PRKCE: variants seen among roughly 807,000 people sequenced by gnomAD.
The protein encoded by PRKCE is protein kinase C epsilon type.
PRKCE carries 16 observed loss-of-function variants against 85.4 expected under a neutral mutation model. The observed-to-expected ratio is 0.19, with a 90% CI of 0.13 to 0.28. The LOEUF (loss-of-function observed/expected upper bound fraction) is 0.28, where lower values mean the gene tolerates loss of function less well. Ranked by LOEUF, PRKCE falls within the 10% of genes least tolerant of loss-of-function variation. The pLI, the probability that PRKCE is intolerant of heterozygous loss-of-function variation, is 1.00. For synonymous variants in PRKCE, 388 were observed against 371.5 expected, an observed-to-expected ratio of 1.04 and a Z score of -0.51; for missense variants, 573 against 975.2, an observed-to-expected ratio of 0.59 and a Z score of 5.49.
rs1456585679 is a variant in PRKCE at position 45,751,503 on chromosome 2, A to T, written c.349-91497A>T. 4.0e-5 allele frequency among the ~76,000 whole-genome samples: 4 copies of T among 100,506 alleles called. No individual in the cohort carries two copies. The East Asian group carries it at 7.3e-4, about 18-fold the overall frequency. 65.9% of individuals were successfully genotyped at this position (100,506 alleles called of 152,430 possible). On this transcript the variant is annotated intron_variant, in intron 1 of 14. Coordinates refer to ENST00000306156, the MANE Select transcript of PRKCE (RefSeq NM_005400.3). ...CCTGCATAAAGTTTCCATATTGTTTATTTGGTTTCTCAACAGTTCCTATGT... is the reference window on the plus strand; with the variant it reads ...CCTGCATAAAGTTTCCATATTGTTTTTTTGGTTTCTCAACAGTTCCTATGT...
chr2:45,663,799 A>G (rs370268498), intron 1 of PRKCE, among the ~76,000 whole-genome samples: 2 of 152,146 alleles, frequency 1.3e-5, no homozygotes, highest in African/African-American at 4.8e-5. Flanking sequence ...AAAAAAGAAA[A>G]TGTTGGACAG....
At chr2:45,919,948 G>A (rs1480826863) in intron 2 of PRKCE, among the ~76,000 whole-genome samples, 1 of 152,218 alleles carries the variant, frequency 6.6e-6, no homozygotes, top group Admixed American at 6.5e-5. Flanking sequence ...CAGACACTGG[G>A]ACAGTGGGAG....
At chr2:45,806,513 A>G (rs547106301) in intron 1 of PRKCE, among the ~76,000 whole-genome samples, 66 of 152,350 alleles carry the variant, frequency 4.3e-4, no homozygotes, top group Non-Finnish European at 7.5e-4. Context: ...TTGTGCAGCC[A>G]TCACCACCAT....
intron 10 of PRKCE, among the ~76,000 whole-genome samples, chr2:46,026,501 T>C (rs1707120693): frequency 6.6e-6 from 1 of 152,214 alleles, no homozygotes; most frequent in Non-Finnish European, 1.5e-5. Flanking sequence ...CTCTGATCTT[T>C]AATTCTACCA....
At chr2:46,166,094 C>T (rs1026841222) in intron 14 of PRKCE, among the ~76,000 whole-genome samples, 1 of 152,332 alleles carries the variant, frequency 6.6e-6, no homozygotes, top group East Asian at 1.9e-4. Context: ...GCGGGACCCC[C>T]GAGGGAGGCC....
chr2:45,718,387 C>T (rs1269516676), intron 1 of PRKCE, among the ~76,000 whole-genome samples: 4 of 138,112 alleles, frequency 2.9e-5, no homozygotes, highest in Non-Finnish European at 6.0e-5. Flanking sequence ...GCTCTGTCAC[C>T]AGGCTGGAGT....
chr2:45,803,229 A>G (rs1448872490), intron 1 of PRKCE, among the ~76,000 whole-genome samples: 2 of 152,252 alleles, frequency 1.3e-5, no homozygotes, highest in Non-Finnish European at 2.9e-5. Flanking sequence ...GATTTGGTCT[A>G]TACCTAGGTG....
intron 1 of PRKCE, among the ~76,000 whole-genome samples, chr2:45,769,642 G>C (rs1422636790): frequency 1.3e-5 from 2 of 152,196 alleles, no homozygotes; most frequent in Non-Finnish European, 2.9e-5. Context: ...TCTATTTCAT[G>C]AGTTTGTAAG....
intron 6 of PRKCE, among the ~76,000 whole-genome samples, chr2:45,994,323 T>C (rs1047383186): frequency 6.6e-6 from 1 of 152,094 alleles, no homozygotes; most frequent in African/African-American, 2.4e-5. Context: ...ACATTAGGGC[T>C]CACTCTTGGT....
intron 2 of PRKCE, among the ~76,000 whole-genome samples, chr2:45,952,393 A>C (rs1700686474): frequency 6.6e-6 from 1 of 152,216 alleles, no homozygotes; most frequent in Non-Finnish European, 1.5e-5. Context: ...TCATGGGCTT[A>C]ACACACAGAA....
At chr2:45,936,348 G>A (rs1052948203) in intron 2 of PRKCE, among the ~76,000 whole-genome samples, 6 of 152,178 alleles carry the variant, frequency 3.9e-5, no homozygotes, top group African/African-American at 1.2e-4. Flanking sequence ...AGCCATGCTG[G>A]GAACATGCTT....
At chr2:46,005,273 T>C (rs1705082121) in intron 8 of PRKCE, among the ~76,000 whole-genome samples, 1 of 152,182 alleles carries the variant, frequency 6.6e-6, no homozygotes, top group African/African-American at 2.4e-5. Flanking sequence ...ATTTGCACAA[T>C]AATAATTCTG....
At chr2:46,005,804 A>G (rs900398102) in intron 8 of PRKCE, among the ~76,000 whole-genome samples, 1 of 152,186 alleles carries the variant, frequency 6.6e-6, no homozygotes, top group African/African-American at 2.4e-5. Flanking sequence ...ACTCTACCTC[A>G]TTCCAAATGA....
chr2:45,910,703 A>G (rs59155256), intron 2 of PRKCE, among the ~76,000 whole-genome samples: 1,524 of 152,230 alleles, frequency 0.01, 36 homozygotes, highest in African/African-American at 0.035. Flanking sequence ...TTCCTTAACT[A>G]TTTCCTACCT....
intron 14 of PRKCE, among the ~76,000 whole-genome samples, chr2:46,160,857 G>A (rs1558516221): frequency 6.6e-6 from 1 of 152,216 alleles, no homozygotes; most frequent in Non-Finnish European, 1.5e-5. Context: ...CACGGTGGGA[G>A]TGGGAGTGGG....
intron 10 of PRKCE, among the ~76,000 whole-genome samples, chr2:46,051,310 C>G (rs1417363943): frequency 2.0e-5 from 3 of 152,316 alleles, no homozygotes; most frequent in South Asian, 4.1e-4. Context: ...AAGAAGCTGT[C>G]CACATGCCTC....
At chr2:45,822,420 T>TG (rs1200244498) in intron 1 of PRKCE, among the ~76,000 whole-genome samples, 4 of 152,222 alleles carry the variant, frequency 2.6e-5, no homozygotes, top group Non-Finnish European at 4.4e-5. Context: ...GGTCAGCGCC[T>TG]GGGGGTGCAA....
intron 10 of PRKCE, among the ~76,000 whole-genome samples, chr2:46,039,922 GCTA>G (rs370952458): frequency 1.6e-4 from 24 of 152,228 alleles, no homozygotes; most frequent in African/African-American, 5.3e-4. Flanking sequence ...TTATTTCTCT[GCTA>G]CTGGGATGGA....
At chr2:46,061,003 T>C (rs1667062624) in intron 10 of PRKCE, among the ~76,000 whole-genome samples, 1 of 151,858 alleles carries the variant, frequency 6.6e-6, no homozygotes, top group East Asian at 1.9e-4. Flanking sequence ...CTCAAGTGAT[T>C]CGCCCACCTC....
Sources: allele counts gnomAD v4.1 joint callset (sites outside exome capture counted in the v4.1 genomes callset), GRCh38; gene constraint gnomAD v4.1.1; transcripts MANE v1.5; gene names NCBI Gene and HGNC (gene_info 2026-07-23, HGNC 2026-07-21).